The following CLIP1 variants were observed in gnomAD, a reference collection of about 807,000 sequenced individuals.
The protein encoded by CLIP1 is CAP-Gly domain containing linker protein 1.
In CLIP1, 66 loss-of-function variants were observed where a neutral mutation model predicts 161.6. The ratio of observed to expected loss-of-function variants is 0.41; its 90% CI spans 0.33 to 0.50. The LOEUF is 0.50. Among genes scored for constraint, CLIP1 ranks in the 20% least tolerant of loss-of-function variants. The pLI is 0.27. For synonymous variants in CLIP1, 598 were observed against 626.2 expected, an observed-to-expected ratio of 0.96 and a Z score of 0.67; for missense variants, 1,376 against 1,702.0, an observed-to-expected ratio of 0.81 and a Z score of 3.37.
chr12:122,413,572 G>C (rs1956618741), intron 1 of CLIP1, among the ~76,000 whole-genome samples: 1 of 152,184 alleles, frequency 6.6e-6, no homozygotes, highest in African/African-American at 2.4e-5. Flanking sequence ...ATTCAAGTCG[G>C]AAGTATTTTA....
intron 20 of CLIP1, among the ~76,000 whole-genome samples, chr12:122,296,394 A>G (rs1950468798): frequency 1.3e-5 from 2 of 152,244 alleles, no homozygotes; most frequent in Admixed American, 1.3e-4. Context: ...AAGTTGGAGT[A>G]ATATGTACAA....
chr12:122,334,846 G>T, intron 12 of CLIP1, 141 bp from the exon 13 acceptor site: 1 of 636,994 alleles, frequency 1.6e-6, no homozygotes, highest in South Asian at 1.8e-5. Flanking sequence ...TCAAACATAT[G>T]ACACCAATTA....
At chr12:122,387,561 TATATATATATATATATATATATATA>T (rs1955341808) in intron 1 of CLIP1, among the ~76,000 whole-genome samples, 2 of 9,350 alleles carry the variant, frequency 2.1e-4, no homozygotes, top group Middle Eastern at 0.017. Flanking sequence ...TATATATATA[TATATATATATATATATATATATATA>T]TATATTTTTT....
intron 17 of CLIP1, among the ~76,000 whole-genome samples, chr12:122,327,038 A>G (rs943141013): frequency 3.3e-5 from 5 of 152,174 alleles, no homozygotes; most frequent in Non-Finnish European, 7.3e-5. Context: ...TCTTTCTACT[A>G]AACTCCTATA....
At chr12:122,309,660 C>G in intron 20 of CLIP1, 102 bp downstream of exon 20, 2 of 1,379,722 alleles carry the variant, frequency 1.4e-6, no homozygotes, top group Non-Finnish European at 2.0e-6. Flanking sequence ...TTGGAATGAC[C>G]CCACCACACT....
chr12:122,405,535 T>A (rs943325902), intron 1 of CLIP1, among the ~76,000 whole-genome samples: 4 of 152,282 alleles, frequency 2.6e-5, no homozygotes, highest in Non-Finnish European at 4.4e-5. Flanking sequence ...ACACCTGTAA[T>A]CCCAGCACTT....
At chr12:122,375,921 G>A (rs968699065) in intron 3 of CLIP1, among the ~76,000 whole-genome samples, 3 of 151,106 alleles carry the variant, frequency 2.0e-5, no homozygotes, top group Admixed American at 1.3e-4. Flanking sequence ...GACTACAGGC[G>A]TGAGACCCCA....
chr12:122,318,065 C>A (rs1951338059), intron 18 of CLIP1, among the ~76,000 whole-genome samples: 1 of 152,180 alleles, frequency 6.6e-6, no homozygotes, highest in African/African-American at 2.4e-5. Flanking sequence ...AAATGTACTT[C>A]CTTCTATGTG....
Position 122,419,926 on chromosome 12 carries a change from CA to C in CLIP1, c.-107+2594del, listed in dbSNP as rs5801469. Among the ~76,000 whole-genome samples, 102 of 79,826 alleles carry C rather than the reference CA, an allele frequency of 1.3e-3. 2 individuals carry two copies. The highest frequency in any genetic ancestry group is 4.9e-3 in the South Asian group (10 of 2,042). The allele number at this position is 79,826 out of a possible 152,430, so 52.4% of individuals were successfully genotyped here. A position where few individuals can be genotyped will look rare whatever the true frequency, so the allele number is the denominator to read the frequency against. On this transcript the variant is annotated intron_variant, in intron 1 of 25. Transcript: ENST00000620786. ...CAGAGCGAGATGCGAGACTCTGTCT[CA>C]AAAAAAAAAAAAAAAAAAAGCAAGA...
chr12:122,377,761 G>A lies in CLIP1; in HGVS notation c.285C>T (p.Pro95=), dbSNP rs749881060. Reference sequence around the variant, plus strand: ...CCACCGAACCATCGTTCTTGCCTATGGGTTCATCTAAAACAATTCCAGCCC... The same window carrying A: ...CCACCGAACCATCGTTCTTGCCTATAGGTTCATCTAAAACAATTCCAGCCC... The part of the protein sequence containing the change: ...GQWAGIVLDE[P]IGKNDGSVAG... The change falls in exon 3 of 26, where the codon CCC becomes CCT. Residue 95 remains proline (P), a synonymous_variant. Coordinates refer to ENST00000620786, the MANE Select transcript of CLIP1 (RefSeq NM_001247997.2). 6.2e-7 allele frequency: 1 copy of A among 1,613,882 alleles called. No homozygotes were observed. Among genetic ancestry groups the A allele is most frequent in the Non-Finnish European group, 8.5e-7 (1 of 1,179,968 alleles).
At chr12:122,306,241 T>C (rs1398735216) in intron 20 of CLIP1, among the ~76,000 whole-genome samples, 1 of 151,960 alleles carries the variant, frequency 6.6e-6, no homozygotes, top group East Asian at 1.9e-4. Context: ...GACCTTGTGA[T>C]TGTGTGAGTT....
intron 1 of CLIP1, among the ~76,000 whole-genome samples, chr12:122,392,140 T>G (rs1002571496): frequency 2.0e-5 from 3 of 151,952 alleles, no homozygotes; most frequent in African/African-American, 7.3e-5. Flanking sequence ...GTGTGGTGGA[T>G]CACGCCTATA....
At chr12:122,295,602 A>T (rs1950437044) in intron 20 of CLIP1, among the ~76,000 whole-genome samples, 1 of 152,198 alleles carries the variant, frequency 6.6e-6, no homozygotes, top group Non-Finnish European at 1.5e-5. Flanking sequence ...GGATGGAGCA[A>T]TCTGCAGATG....
At chr12:122,372,563 G>GA in intron 3 of CLIP1, among the ~76,000 whole-genome samples, 1 of 151,456 alleles carries the variant, frequency 6.6e-6, no homozygotes, top group East Asian at 1.9e-4. Context: ...CTCCAGCTGG[G>GA]CAAAAGAGCG....
At chr12:122,306,026 C>T (rs1326975004) in intron 20 of CLIP1, among the ~76,000 whole-genome samples, 3 of 150,406 alleles carry the variant, frequency 2.0e-5, no homozygotes, top group African/African-American at 7.4e-5. Context: ...TGCACTCCAG[C>T]TTGGACTACA....
Position 122,380,522 on chromosome 12 carries a change from T to C in CLIP1, c.-70A>G. ...ATCTTTCCCCAACCATTGATACAAC[T>C]GTGGGTTCTATAGTGAAGTCAGTCT... On this transcript the variant is annotated 5_prime_UTR_variant, in exon 2 of 26. Coordinates refer to ENST00000620786, the MANE Select transcript of CLIP1 (RefSeq NM_001247997.2). 1 of 946,472 alleles carries C rather than the reference T, an allele frequency of 1.1e-6. No homozygotes were observed. 58.6% of individuals were successfully genotyped at this position (946,472 alleles called of 1,614,324 possible).
chr12:122,294,688 A>G (rs1950402559), intron 20 of CLIP1, among the ~76,000 whole-genome samples: 1 of 152,116 alleles, frequency 6.6e-6, no homozygotes, highest in Non-Finnish European at 1.5e-5. Context: ...CAATGAGTCA[A>G]GACTGCACCA....
Position 122,309,765 on chromosome 12 carries a change from T to G in CLIP1, c.3591A>C (p.Gln1197His), listed in dbSNP as rs1223506759. Reference sequence around the variant, plus strand: ...CCCCTCGCCAAAGGACACTGACCTTTTGATGACTTGTGACTTCGTCCCTGC... The same window carrying G: ...CCCCTCGCCAAAGGACACTGACCTTGTGATGACTTGTGACTTCGTCCCTGC... ...GRSRDEVTSH[Q>H]KLEEERSVLN... Residue 1197 changes from glutamine (Q) to histidine (H), a missense_variant, in exon 20 of 26, where the codon CAA becomes CAC. Physicochemically the swap from Gln to His is conservative, Grantham distance 24. This residue lies in a region of CLIP1 where 948 missense variants were observed against 1,134.8 expected (regional missense o/e 0.84). Transcript: ENST00000620786. 3.7e-6 allele frequency: 6 copies of G among 1,612,352 alleles called. No homozygotes were observed. In the East Asian group the frequency reaches 1.3e-4, roughly 36 times the overall value.
At position 122,372,740 on chromosome 12, in the gene CLIP1, T is replaced by A. The variant is rs140123783; in HGVS notation, c.657+4649A>T. On this transcript the variant is annotated intron_variant, in intron 3 of 25. Coordinates refer to ENST00000620786, the MANE Select transcript of CLIP1 (RefSeq NM_001247997.2). ...AGGGGCTTTTAACTAAATGTGACTA[T>A]CTGGCATCTTCTCAATTGTGGACCA... Among the ~76,000 whole-genome samples the A allele has an allele frequency of 3.0e-3, 457 of 152,290 alleles. 2 individuals carry two copies. The highest frequency in any genetic ancestry group is 4.7e-3 in the Non-Finnish European group (322 of 68,032).
Sources: allele counts gnomAD v4.1 joint callset (sites outside exome capture counted in the v4.1 genomes callset), GRCh38; gene constraint gnomAD v4.1.1; regional missense constraint gnomAD v4.1.1; transcripts MANE v1.5; gene names NCBI Gene and HGNC (gene_info 2026-07-23, HGNC 2026-07-21).